The following ALPL variants were observed in gnomAD, a reference collection of about 807,000 sequenced individuals.
The protein encoded by ALPL is alkaline phosphatase, tissue-nonspecific isozyme.
In ALPL, 42 loss-of-function variants were observed where a neutral mutation model predicts 51.3. The ratio of observed to expected loss-of-function variants is 0.82; its 90% confidence interval spans 0.64 to 1.06. ALPL has a LOEUF of 1.06. ALPL is among the 50% of genes least tolerant of loss of function. ALPL has a pLI of 0.00. For synonymous variants in ALPL, 279 were observed against 296.4 expected (o/e 0.94, Z 0.60); for missense variants, 589 against 709.4 (o/e 0.83, Z 1.93).
Position 21,575,928 on chromosome 1 carries a change from G to T in ALPL, c.1189+4G>T. Reference sequence around the variant, plus strand: ...CCCCGTGGCAACTCTATCTTTGGTAGGTGGGCCTTCTTTGGGGTGGACACT... The same window carrying T: ...CCCCGTGGCAACTCTATCTTTGGTATGTGGGCCTTCTTTGGGGTGGACACT... On this transcript the variant is annotated splice_donor_region_variant and intron_variant, in intron 10 of 11. Transcript: ENST00000374840. The T allele has an allele frequency of 6.2e-7, 1 of 1,614,206 alleles. No homozygotes were observed. The highest frequency in any genetic ancestry group is 8.5e-7 in the Non-Finnish European group (1 of 1,180,026).
At chr1:21,571,776 G>A (rs1008780649) in intron 8 of ALPL, among the ~76,000 whole-genome samples, 1 of 152,176 alleles carries the variant, frequency 6.6e-6, no homozygotes, top group Admixed American at 6.5e-5. Flanking sequence ...GATCACTTGA[G>A]CCCAGGAGTT....
At position 21,564,411 on chromosome 1, in the gene ALPL, G is replaced by A. The variant is rs992595722; in HGVS notation, c.648+195G>A. Among the ~76,000 whole-genome samples, 3 of 152,120 alleles carry A rather than the reference G, an allele frequency of 2.0e-5. No homozygotes were observed. The highest frequency in any genetic ancestry group is 4.4e-5 in the Non-Finnish European group (3 of 68,010). ...GGATTTCTCTGCGGTGGGGCTGCGGGGTGAACCCTCATGTGACCGCCACCA... is the reference window on the plus strand; with the variant it reads ...GGATTTCTCTGCGGTGGGGCTGCGGAGTGAACCCTCATGTGACCGCCACCA... On this transcript the variant is annotated intron_variant, in intron 6 of 11. Transcript: ENST00000374840. This position sits in a 1 kb window ranked among gnomAD's most constrained non-coding sequence, Gnocchi z 5.8.
chr1:21,542,883 G>A (rs990309376), intron 1 of ALPL, among the ~76,000 whole-genome samples: 2 of 152,036 alleles, frequency 1.3e-5, no homozygotes, highest in South Asian at 2.1e-4. Flanking sequence ...TGGGCACAGC[G>A]GCTTATACCT....
intron 1 of ALPL, among the ~76,000 whole-genome samples, chr1:21,511,217 T>A (rs954431015): frequency 6.6e-6 from 1 of 152,230 alleles, no homozygotes; most frequent in Non-Finnish European, 1.5e-5. Flanking sequence ...ATTCACAGTG[T>A]AGACTTGAAA....
chr1:21,570,370 A>C lies in ALPL; in HGVS notation c.858A>C (p.Leu286=). Residue 286 remains leucine, a synonymous_variant, in exon 8 of 12, where the codon CTA becomes CTC. Coordinates refer to ENST00000374840, the MANE Select transcript of ALPL (RefSeq NM_000478.6). The part of the protein sequence containing the change: ...LTLDPHNVDY[L]LGLFEPGDMQ... ...TTGACCCCCACAATGTGGACTACCT[A>C]TTGGGTAAGTGGAGGGGGTGGAGGG... 1.2e-6 allele frequency: 2 copies of C among 1,612,892 alleles called. No individual in the cohort carries two copies. Among genetic ancestry groups the C allele is most frequent in the Non-Finnish European group, 1.7e-6 (2 of 1,179,174 alleles).
chr1:21,556,830 T>G (rs1197518491), intron 2 of ALPL, among the ~76,000 whole-genome samples: 3 of 152,158 alleles, frequency 2.0e-5, no homozygotes, highest in Non-Finnish European at 4.4e-5. Context: ...TGCCAGCTAC[T>G]TGGGAGGCTG....
chr1:21,562,912 G>T (rs1031119026), intron 4 of ALPL, among the ~76,000 whole-genome samples, 198 bp from the exon 5 acceptor site: 1 of 152,236 alleles, frequency 6.6e-6, no homozygotes, highest in African/African-American at 2.4e-5. Flanking sequence ...CTGCCAGGGT[G>T]CAGGGAATGA....
Position 21,577,557 on chromosome 1 carries a change from G to C in ALPL, c.1484G>C (p.Gly495Ala). 1 of 1,604,826 alleles carries C rather than the reference G, an allele frequency of 6.2e-7. No homozygotes were observed. The highest frequency in any genetic ancestry group is 8.5e-7 in the Non-Finnish European group (1 of 1,179,844). ...AYAACIGANL[G>A]HCAPASSAGS... is the part of the protein sequence containing the mutation. The stretch of plus-strand genomic sequence containing the variant: ...GCAGCCTGCATCGGGGCCAACCTCG[G>C]CCACTGTGCTCCTGCCAGCTCGGCA... Residue 495 changes from glycine to alanine, a missense_variant, in exon 12 of 12, where the codon GGC becomes GCC. Transcript: ENST00000374840.
chr1:21,517,992 G>T (rs1643832476), intron 1 of ALPL, among the ~76,000 whole-genome samples: 1 of 151,982 alleles, frequency 6.6e-6, no homozygotes, highest in Non-Finnish European at 1.5e-5. Flanking sequence ...GTGGGTGGGG[G>T]TAGGGAAGGG....
chr1:21,575,970 T>C (rs1644725675), intron 10 of ALPL, 46 bp downstream of exon 10: 7 of 1,604,960 alleles, frequency 4.4e-6, no homozygotes, highest in Non-Finnish European at 6.0e-6. Context: ...GTCTCCTGTC[T>C]ACCCACCTGG....
chr1:21,525,490 C>T (rs1053509516), intron 1 of ALPL, among the ~76,000 whole-genome samples: 5 of 152,232 alleles, frequency 3.3e-5, no homozygotes, highest in Admixed American at 1.3e-4. Context: ...CCTGATGGAG[C>T]GGCCTCTCCT....
chr1:21,534,820 T>C (rs1644076339), intron 1 of ALPL, among the ~76,000 whole-genome samples: 1 of 152,204 alleles, frequency 6.6e-6, no homozygotes, highest in Non-Finnish European at 1.5e-5. Context: ...CCTCCTTATC[T>C]GTGATTTGGG....
chr1:21,524,996 T>C (rs1643923661), intron 1 of ALPL, among the ~76,000 whole-genome samples: 1 of 152,224 alleles, frequency 6.6e-6, no homozygotes. Flanking sequence ...ACTCCAGGGC[T>C]CTGGCCTCGA....
In ALPL at chr1:21,577,897, T is replaced by C. The variant is rs1172009372; in HGVS notation, c.*249T>C. 7 of 597,896 alleles carry C rather than the reference T, an allele frequency of 1.2e-5. No homozygotes were observed. In the East Asian group the frequency reaches 1.4e-4, roughly 12 times the overall value. The allele number at this position is 597,896 out of a possible 1,614,324, so 37.0% of individuals were successfully genotyped here. A position where few individuals can be genotyped will look rare whatever the true frequency, so the allele number is the denominator to read the frequency against. The stretch of plus-strand genomic sequence containing the variant: ...CTTTGGCCAACAGGGTAGATTTCTC[T>C]TGGGCAGGCAGAGAGTACAGACTGC... On this transcript the variant is annotated 3_prime_UTR_variant, in exon 12 of 12. Coordinates refer to ENST00000374840, the MANE Select transcript of ALPL (RefSeq NM_000478.6).
chr1:21,554,877 C>A (rs1570255769), intron 2 of ALPL, among the ~76,000 whole-genome samples: 2 of 137,162 alleles, frequency 1.5e-5, no homozygotes, highest in Non-Finnish European at 3.1e-5. Context: ...TTCTTTCTCT[C>A]TTTCTTTCTT....
chr1:21,523,633 A>G (rs1383364186), intron 1 of ALPL, among the ~76,000 whole-genome samples: 1 of 152,118 alleles, frequency 6.6e-6, no homozygotes, highest in African/African-American at 2.4e-5. Context: ...CTGATCTGTC[A>G]CCTCACCCCT....
intron 1 of ALPL, among the ~76,000 whole-genome samples, chr1:21,544,064 C>G (rs1040553832): frequency 2.6e-5 from 4 of 152,206 alleles, no homozygotes; most frequent in African/African-American, 9.7e-5. Context: ...TCGATGTGAC[C>G]TCTTCACCAT....
intron 6 of ALPL, among the ~76,000 whole-genome samples, chr1:21,565,752 C>G (rs758851793): frequency 4.0e-5 from 6 of 151,886 alleles, no homozygotes; most frequent in South Asian, 2.1e-4. Flanking sequence ...CACCACCCCC[C>G]CAAAAGCCTC....
intron 1 of ALPL, among the ~76,000 whole-genome samples, chr1:21,511,008 C>G (rs917436785): frequency 2.0e-5 from 3 of 152,156 alleles, no homozygotes; most frequent in Admixed American, 1.3e-4. Context: ...GGTGTATTCC[C>G]CTTTCGGGAC....
Sources: allele counts gnomAD v4.1 joint callset (sites outside exome capture counted in the v4.1 genomes callset), GRCh38; gene constraint gnomAD v4.1.1; non-coding constraint Gnocchi (gnomAD v3.1); transcripts MANE v1.5; gene names NCBI Gene and HGNC (gene_info 2026-07-23, HGNC 2026-07-21).